The following TMEM182 variants were observed in gnomAD, a reference collection of about 807,000 sequenced individuals.
TMEM182 encodes the protein transmembrane protein 182.
A neutral mutation model predicts 26.8 loss-of-function variants in TMEM182; 20 were observed. The observed-to-expected ratio is 0.75, with a 90% CI of 0.53 to 1.09. TMEM182 has a LOEUF of 1.09. Among genes scored for constraint, TMEM182 ranks in the 50% least tolerant of loss-of-function variants. The pLI is 0.00. For synonymous variants in TMEM182, 109 were observed against 102.2 expected (o/e 1.07, Z -0.40); for missense variants, 277 against 275.5 (o/e 1.01, Z -0.04).
At chr2:102,758,521 G>C, upstream of TMEM182, 3 of 716,356 alleles carry the variant, frequency 4.2e-6, no homozygotes, top group East Asian at 2.7e-5. Flanking sequence ...ATAAGGATTT[G>C]TTAAAAGATG....
intron 1 of TMEM182, among the ~76,000 whole-genome samples, chr2:102,746,173 A>G (rs767443025): frequency 6.6e-6 from 1 of 152,074 alleles, no homozygotes; most frequent in Non-Finnish European, 1.5e-5. Context: ...TTTGATTTAC[A>G]TTTCTCTGAT....
chr2:102,827,764 CAAG>C (rs1683063679), intron 3 of TMEM182, among the ~76,000 whole-genome samples: 1 of 152,212 alleles, frequency 6.6e-6, no homozygotes, highest in South Asian at 2.1e-4. Flanking sequence ...GAAAAACAAA[CAAG>C]CAGCTTCCAC....
intron 3 of TMEM182, among the ~76,000 whole-genome samples, chr2:102,782,241 A>G (rs1445594412): frequency 1.3e-5 from 2 of 152,024 alleles, no homozygotes; most frequent in African/African-American, 4.8e-5. Context: ...CAGGAGAATC[A>G]CTTGAACCTG....
intron 1 of TMEM182, among the ~76,000 whole-genome samples, chr2:102,749,475 G>A (rs1159861637): frequency 2.0e-5 from 3 of 152,062 alleles, no homozygotes; most frequent in African/African-American, 4.8e-5. Context: ...TTTCTTACTG[G>A]GAAAGATGAA....
downstream of TMEM182, among the ~76,000 whole-genome samples, chr2:102,819,078 C>T (rs117981068): frequency 6.6e-6 from 1 of 152,156 alleles, no homozygotes; most frequent in Non-Finnish European, 1.5e-5. Flanking sequence ...TTCTTCTGGA[C>T]GTCTAGGAAT....
At chr2:102,787,321 C>A (rs1479777769) in intron 3 of TMEM182, among the ~76,000 whole-genome samples, 1 of 152,184 alleles carries the variant, frequency 6.6e-6, no homozygotes, top group Non-Finnish European at 1.5e-5. Flanking sequence ...TTGAGCAGGG[C>A]TCTCTTCAGG....
At chr2:102,835,228 G>T (rs1429782268) in intron 3 of TMEM182, among the ~76,000 whole-genome samples, 1 of 152,134 alleles carries the variant, frequency 6.6e-6, no homozygotes, top group Non-Finnish European at 1.5e-5. Flanking sequence ...ATATATTTTG[G>T]CTACATGTAA....
At chr2:102,833,490 CCA>C (rs910241924) in intron 3 of TMEM182, among the ~76,000 whole-genome samples, 15 of 151,950 alleles carry the variant, frequency 9.9e-5, no homozygotes, top group African/African-American at 3.4e-4. Context: ...TGGAGTGCTC[CCA>C]CACACACACC....
In TMEM182 at chr2:102,762,329, A is replaced by G. The variant is rs747964503; in HGVS notation, c.112A>G (p.Arg38Gly). The G allele has an allele frequency of 6.2e-7, 1 of 1,613,722 alleles. No individual in the cohort carries two copies. The highest frequency in any genetic ancestry group is 8.5e-7 in the Non-Finnish European group (1 of 1,179,876). ...DYWLLATEVG[R>G]CSGEKNIENV... ...TTGGCTTCTTGCAACTGAAGTGGGG[A>G]GATGTTCAGGTGAAAAGAATGTGAG... Residue 38 changes from arginine to glycine, a missense_variant, in exon 1 of 5, where the codon AGA (arginine) becomes GGA (glycine). Arg to Gly is a moderately radical substitution (Grantham distance 125). Coordinates refer to ENST00000412401, the MANE Select transcript of TMEM182 (RefSeq NM_144632.5).
intron 1 of TMEM182, among the ~76,000 whole-genome samples, chr2:102,741,724 G>T (rs182320532): frequency 8.1e-4 from 123 of 152,242 alleles, no homozygotes; most frequent in African/African-American, 2.7e-3. Flanking sequence ...TATTAACAAG[G>T]TTCCAGTATA....
intron 3 of TMEM182, among the ~76,000 whole-genome samples, chr2:102,824,180 C>T (rs933222820): frequency 2.0e-5 from 3 of 152,184 alleles, no homozygotes; most frequent in Non-Finnish European, 4.4e-5. Flanking sequence ...ATGCCTGGCT[C>T]AGTTGACTAC....
chr2:102,743,006 G>T (rs966360659), intron 1 of TMEM182, among the ~76,000 whole-genome samples: 9 of 152,160 alleles, frequency 5.9e-5, no homozygotes, highest in African/African-American at 2.2e-4. Flanking sequence ...AGGAATCCAT[G>T]AAAATAAGAT....
At chr2:102,809,865 T>A (rs1210002392) in intron 4 of TMEM182, among the ~76,000 whole-genome samples, 1 of 152,244 alleles carries the variant, frequency 6.6e-6, no homozygotes, top group Non-Finnish European at 1.5e-5. Context: ...ACTTTTCACC[T>A]TAACTTCATA....
chr2:102,813,491 G>A (rs949064595), intron 4 of TMEM182, among the ~76,000 whole-genome samples: 4 of 152,186 alleles, frequency 2.6e-5, no homozygotes, highest in African/African-American at 9.7e-5. Flanking sequence ...TCCTTGGCAT[G>A]TTTGGATTGA....
intron 3 of TMEM182, among the ~76,000 whole-genome samples, chr2:102,830,892 A>G (rs1201575388): frequency 1.3e-5 from 2 of 151,244 alleles, no homozygotes; most frequent in Non-Finnish European, 2.9e-5. Context: ...TCATCCTTCT[A>G]CTCTCTATGT....
chr2:102,839,168 A>G (rs981091883), intron 3 of TMEM182, among the ~76,000 whole-genome samples: 5 of 152,100 alleles, frequency 3.3e-5, no homozygotes, highest in African/African-American at 7.2e-5. Flanking sequence ...TTCACATGGC[A>G]TAAACAGTGG....
intron 3 of TMEM182, among the ~76,000 whole-genome samples, chr2:102,790,371 T>G (rs1407456691): frequency 1.3e-5 from 2 of 152,360 alleles, no homozygotes; most frequent in Non-Finnish European, 2.9e-5. Context: ...AGGCTGCTTT[T>G]GCCTATCATC....
At chr2:102,779,375 T>G (rs1681061487) in intron 3 of TMEM182, among the ~76,000 whole-genome samples, 1 of 152,198 alleles carries the variant, frequency 6.6e-6, no homozygotes, top group African/African-American at 2.4e-5. Context: ...TTTGATGACT[T>G]TGGAAAGTTT....
chr2:102,811,082 A>AAAAAAAAAT (rs1682541544), intron 4 of TMEM182, among the ~76,000 whole-genome samples: 1 of 150,780 alleles, frequency 6.6e-6, no homozygotes, highest in African/African-American at 2.4e-5. Context: ...AAAAAAAAAA[A>AAAAAAAAAT]TTCTAAATCA....
Sources: gnomAD v4.1 joint callset for allele counts (sites outside exome capture counted in the v4.1 genomes callset) on GRCh38, gnomAD v4.1.1 for gene constraint, MANE v1.5 for transcripts, NCBI Gene and HGNC (gene_info 2026-07-23, HGNC 2026-07-21) for gene names.